RSRC2: variants seen among roughly 807,000 people sequenced by gnomAD.
RSRC2 encodes the protein arginine/serine-rich coiled-coil protein 2.
RSRC2 carries 5 observed loss-of-function variants against 61.3 expected under a neutral mutation model. The ratio of observed to expected loss-of-function variants is 0.08; its 90% CI spans 0.04 to 0.17. RSRC2 has a LOEUF of 0.17. Ranked by LOEUF, RSRC2 falls within the 10% of genes least tolerant of loss-of-function variation. The pLI, the probability that RSRC2 is intolerant of heterozygous loss-of-function variation, is 1.00. For synonymous variants in RSRC2, 202 were observed against 166.5 expected, an observed-to-expected ratio of 1.21 and a Z score of -1.64; for missense variants, 381 against 518.8, an observed-to-expected ratio of 0.73 and a Z score of 2.58.
chr12:122,505,860 C>CCT (rs1385721313), intron 9 of RSRC2, among the ~76,000 whole-genome samples, 154 bp from the exon 10 acceptor site: 2 of 151,898 alleles, frequency 1.3e-5, no homozygotes, highest in East Asian at 3.9e-4. Context: ...CTCACTGCAA[C>CCT]CTCTGCCTCC....
intron 3 of RSRC2, chr12:122,519,446 C>T (rs1478409089): frequency 6.2e-6 from 1 of 161,228 alleles, no homozygotes; most frequent in African/African-American, 2.4e-5. Flanking sequence ...AAACGCATTT[C>T]AATTAGGTAG....
intron 1 of RSRC2, chr12:122,523,033 AT>A (rs2137552099): frequency 6.6e-6 from 1 of 152,372 alleles, no homozygotes; most frequent in Non-Finnish European, 1.5e-5. Flanking sequence ...AGAAGATAAC[AT>A]GAAAATAAAA....
chr12:122,519,186 C>A, intron 3 of RSRC2, 157 bp from the exon 4 acceptor site: 3 of 587,918 alleles, frequency 5.1e-6, no homozygotes, highest in African/African-American at 1.9e-5. Flanking sequence ...CCAAATGTTG[C>A]AGATGTAATT....
At position 122,517,445 on chromosome 12, in the gene RSRC2, C is replaced by T; in HGVS notation, c.399-15G>A. The T allele has an allele frequency of 6.2e-7, 1 of 1,613,804 alleles. No homozygotes were observed. The highest frequency in any genetic ancestry group is 8.5e-7 in the Non-Finnish European group (1 of 1,179,840). ...TACGATGGCGTCTGAAATTAAAGTGCACAAATTTGTAATTACTTAAAAGTT... is the reference window on the plus strand; with the variant it reads ...TACGATGGCGTCTGAAATTAAAGTGTACAAATTTGTAATTACTTAAAAGTT... On this transcript the variant is annotated splice_polypyrimidine_tract_variant and intron_variant, in intron 4 of 9. Coordinates refer to ENST00000331738, the MANE Select transcript of RSRC2 (RefSeq NM_023012.6).
chr12:122,526,262 T>C (rs940675863), intron 1 of RSRC2: 1 of 152,538 alleles, frequency 6.6e-6, no homozygotes, highest in Non-Finnish European at 1.5e-5. Context: ...ACCTTTTAAG[T>C]TGAATTTTCA....
At chr12:122,508,047 G>T (rs112764595) in intron 8 of RSRC2, 171 bp downstream of exon 8, 4 of 680,358 alleles carry the variant, frequency 5.9e-6, no homozygotes, top group Non-Finnish European at 8.0e-6. Flanking sequence ...CAACTGATCC[G>T]CTCACTTGGC....
chr12:122,520,503 C>A (rs935654703), intron 3 of RSRC2: 5 of 1,358,230 alleles, frequency 3.7e-6, no homozygotes, highest in Non-Finnish European at 4.9e-6. Flanking sequence ...CTAATAGTTA[C>A]CTTATCATGA....
At chr12:122,517,464 A>C (rs1565899997) in intron 4 of RSRC2, 34 bp from the exon 5 acceptor site, 2 of 1,613,150 alleles carry the variant, frequency 1.2e-6, no homozygotes, top group Non-Finnish European at 1.7e-6. Flanking sequence ...GTAATTACTT[A>C]AAAGTTGTGT....
intron 6 of RSRC2, among the ~76,000 whole-genome samples, chr12:122,514,266 G>GTTTT (rs140608487): frequency 3.6e-5 from 5 of 137,286 alleles, no homozygotes; most frequent in South Asian, 2.2e-4. Context: ...GTGTGTGTGT[G>GTTTT]TGTGTTTTTT....
intron 5 of RSRC2, 26 bp from the exon 6 acceptor site, chr12:122,515,253 C>A: frequency 1.2e-6 from 2 of 1,603,350 alleles, no homozygotes; most frequent in South Asian, 2.2e-5. Flanking sequence ...TTTCATATGT[C>A]AAATTATGGC....
At chr12:122,506,036 C>G (rs1482402063) in intron 9 of RSRC2, among the ~76,000 whole-genome samples, 1 of 152,102 alleles carries the variant, frequency 6.6e-6, no homozygotes, top group African/African-American at 2.4e-5. Context: ...GCCGCCTGCC[C>G]CCCGGCCTCC....
chr12:122,508,745 T>C (rs954777418), intron 7 of RSRC2, among the ~76,000 whole-genome samples: 4 of 151,138 alleles, frequency 2.6e-5, no homozygotes. Flanking sequence ...TCACCTGAGG[T>C]TGGGAGTTCG....
chr12:122,508,872 C>G (rs1450714565), intron 7 of RSRC2, among the ~76,000 whole-genome samples: 1 of 151,996 alleles, frequency 6.6e-6, no homozygotes. Flanking sequence ...AGGAGAATCA[C>G]TTGAACCCAA....
At chr12:122,525,841 A>T (rs1960213358) in intron 1 of RSRC2, among the ~76,000 whole-genome samples, 4 of 636 alleles carry the variant, frequency 6.3e-3, no homozygotes, top group East Asian at 0.17. Flanking sequence ...TTTTTTTTTG[A>T]GACGGAGTCT....
At chr12:122,514,242 ATTTATT>A (rs1958737060) in intron 6 of RSRC2, among the ~76,000 whole-genome samples, 2 of 148,006 alleles carry the variant, frequency 1.4e-5, no homozygotes, top group African/African-American at 4.9e-5. Flanking sequence ...ACAGCAGAAA[ATTTATT>A]TTTGTGTGTG....
intron 1 of RSRC2, among the ~76,000 whole-genome samples, chr12:122,524,171 G>A (rs536687454): frequency 1.3e-5 from 2 of 152,198 alleles, no homozygotes; most frequent in African/African-American, 2.4e-5. Flanking sequence ...CTGCATCTCC[G>A]TATCTTTACT....
chr12:122,526,473 A>T (rs1377097712), intron 1 of RSRC2, among the ~76,000 whole-genome samples: 5 of 151,950 alleles, frequency 3.3e-5, no homozygotes, highest in African/African-American at 1.2e-4. Flanking sequence ...ACCACTCCTG[A>T]TCGTCTTTCT....
rs1214208035 is a variant in RSRC2 at position 122,526,929 on chromosome 12, C to T, written c.-76G>A. On this transcript the variant is annotated 5_prime_UTR_variant, in exon 1 of 10. Coordinates refer to ENST00000331738, the MANE Select transcript of RSRC2 (RefSeq NM_023012.6). ...AGTACCGGCCGCTCCGAAGCTTCGC[C>T]TCAGACTAAATCGCTCGCGCGAGAG... is the stretch of plus-strand genomic sequence containing the variant. The T allele has an allele frequency of 4.5e-6, 7 of 1,570,608 alleles. No homozygotes were observed. The South Asian group carries it at 5.5e-5, about 12-fold the overall frequency.
In RSRC2 at chr12:122,504,766, C is replaced by T. The variant is rs1415655248; in HGVS notation, c.*761G>A. On this transcript the variant is annotated 3_prime_UTR_variant, in exon 10 of 10. Transcript: ENST00000331738. Reference sequence around the variant, plus strand: ...TTATTAAAATAAAAGTGCTTACATCCCTTTAATGCATTAATCTATCTCCTG... The same window carrying T: ...TTATTAAAATAAAAGTGCTTACATCTCTTTAATGCATTAATCTATCTCCTG... The T allele has an allele frequency of 6.6e-6, 1 of 152,582 alleles. No homozygotes were observed. The highest frequency in any genetic ancestry group is 2.4e-5 in the African/African-American group (1 of 41,422). 9.5% of individuals were successfully genotyped at this position (152,582 alleles called of 1,614,324 possible).
Sources: allele counts gnomAD v4.1 joint callset (sites outside exome capture counted in the v4.1 genomes callset), GRCh38; gene constraint gnomAD v4.1.1; transcripts MANE v1.5; gene names NCBI Gene and HGNC (gene_info 2026-07-23, HGNC 2026-07-21).